CACNB1: variants seen among roughly 807,000 people sequenced by gnomAD.
CACNB1 encodes voltage-dependent L-type calcium channel subunit beta-1.
Under a neutral mutation model 71.6 loss-of-function variants are expected in CACNB1, and 29 were observed. The ratio of observed to expected loss-of-function variants is 0.40; its 90% confidence interval spans 0.30 to 0.55. CACNB1 has a LOEUF of 0.55. Among genes scored for constraint, CACNB1 ranks in the 20% least tolerant of loss-of-function variants. The probability of loss-of-function intolerance (pLI) is 0.38; values close to 1 mark genes in which losing one functional copy is unlikely to be tolerated. For missense variants in CACNB1, 623 were observed against 801.8 expected (o/e 0.78, Z 2.69); for synonymous variants, 300 against 319.6 (o/e 0.94, Z 0.65).
Position 39,194,422 on chromosome 17 carries a change from G to A in CACNB1, c.171+462C>T, listed in dbSNP as rs573665028. On this transcript the variant is annotated intron_variant, in intron 2 of 13. Transcript: ENST00000394303. This position sits in a 1 kb window ranked among gnomAD's most constrained non-coding sequence, Gnocchi z 4.6. The stretch of plus-strand genomic sequence containing the variant: ...TGTGCTTCTTAGACAGTCATGTCTC[G>A]AGGTGAGGAGCGTGTTTCCCTGGCC... 3.0e-4 allele frequency among the ~76,000 whole-genome samples: 46 copies of A among 152,064 alleles called. No individual in the cohort carries two copies. Among genetic ancestry groups the A allele is most frequent in the African/African-American group, 2.4e-4 (10 of 41,448 alleles).
chr17:39,175,637 C>T lies in CACNB1; in HGVS notation c.1353G>A (p.Gly451=). 6.4e-7 allele frequency: 1 copy of T among 1,570,308 alleles called. No homozygotes were observed. The highest frequency in any genetic ancestry group is 8.6e-7 in the Non-Finnish European group (1 of 1,156,872). ...SNLQGPYLAS[G]DQPLERATGE... is the part of the protein sequence containing the mutation. Reference sequence around the variant, plus strand: ...CGGTGGCCCGTTCCAGTGGCTGGTCCCCGGAAGCAAGGTAGGGTCCCTGGT... The same window carrying T: ...CGGTGGCCCGTTCCAGTGGCTGGTCTCCGGAAGCAAGGTAGGGTCCCTGGT... Residue 451 remains glycine (G), a synonymous_variant, in exon 14 of 14, where the codon GGG becomes GGA. Transcript: ENST00000394303. The surrounding 1 kb of genome is among the most constrained non-coding windows in gnomAD (Gnocchi z 4.7).
At chr17:39,179,926 A>G (rs1379047892) in intron 11 of CACNB1, among the ~76,000 whole-genome samples, 1 of 151,670 alleles carries the variant, frequency 6.6e-6, no homozygotes, top group Non-Finnish European at 1.5e-5. Flanking sequence ...ACAGGCAACA[A>G]GTGATCCTGG....
intron 4 of CACNB1, chr17:39,187,234 TCCCTGGCACACCGCCATGC>T (rs745629850): frequency 1.1e-4 from 66 of 605,840 alleles, no homozygotes; most frequent in Non-Finnish European, 1.5e-4. Context: ...TACCTACATG[TCCCTGGCACACCGCCATGC>T]CAGTTCAGGC....
intron 12 of CACNB1, 27 bp from the exon 13 acceptor site, chr17:39,177,562 G>A: frequency 6.4e-7 from 1 of 1,557,154 alleles, no homozygotes; most frequent in Non-Finnish European, 8.7e-7. Context: ...AGGGGGCAGG[G>A]CTGGGATGAG....
At chr17:39,184,271 T>G in intron 9 of CACNB1, 54 bp downstream of exon 9, 1 of 1,337,430 alleles carries the variant, frequency 7.5e-7, no homozygotes, top group Admixed American at 2.0e-5. Context: ...ATCCTGCCCA[T>G]CCCCAGCAGC....
At chr17:39,195,262 G>A in intron 1 of CACNB1, 1 of 318,222 alleles carries the variant, frequency 3.1e-6, no homozygotes, top group Middle Eastern at 9.0e-4. Flanking sequence ...GGGAGGCGCG[G>A]AGAAGCTGGA....
chr17:39,193,498 G>C (rs1164802299), intron 2 of CACNB1: 2 of 451,846 alleles, frequency 4.4e-6, no homozygotes, highest in South Asian at 3.1e-5. Context: ...CTCAGTGCCT[G>C]GCCCTGCTGG....
chr17:39,186,891 C>T lies in CACNB1; in HGVS notation c.453G>A (p.Lys151=). The change falls in exon 5 of 14, where the codon AAG becomes AAA. Residue 151 remains lysine (K), a synonymous_variant. Transcript: ENST00000394303. The surrounding 1 kb of genome is among the most constrained non-coding windows in gnomAD (Gnocchi z 4.1). ...GAATGAAGCCAACCTCACAGCCCTC[C>T]TTCACCAGCCGCCCGATCCACCAGT... is the stretch of plus-strand genomic sequence containing the variant. The part of the protein sequence containing the change: ...NNDWWIGRLV[K]EGCEVGFIPS... The T allele has an allele frequency of 6.2e-7, 1 of 1,614,170 alleles. No homozygotes were observed. Among genetic ancestry groups the T allele is most frequent in the Non-Finnish European group, 8.5e-7 (1 of 1,179,996 alleles).
Position 39,197,538 on chromosome 17 carries a change from G to T in CACNB1, c.-43C>A. 1 of 1,430,140 alleles carries T rather than the reference G, an allele frequency of 7.0e-7. No homozygotes were observed. The highest frequency in any genetic ancestry group is 9.3e-7 in the Non-Finnish European group (1 of 1,071,416). The allele number at this position is 1,430,140 out of a possible 1,614,324, so 88.6% of individuals were successfully genotyped here. On this transcript the variant is annotated 5_prime_UTR_variant, in exon 1 of 14. Coordinates refer to ENST00000394303, the MANE Select transcript of CACNB1 (RefSeq NM_000723.5). Reference sequence around the variant, plus strand: ...CCCGCCGCCGGCCCGGCCCAGCCGGGCTCCCTCAGCGCATGGGAGAGGCCG... The same window carrying T: ...CCCGCCGCCGGCCCGGCCCAGCCGGTCTCCCTCAGCGCATGGGAGAGGCCG...
intron 11 of CACNB1, among the ~76,000 whole-genome samples, chr17:39,182,544 A>G (rs1429959622): frequency 6.6e-6 from 1 of 151,550 alleles, no homozygotes; most frequent in East Asian, 1.9e-4. Context: ...ACTAAAAAAT[A>G]CAAAAAATTA....
chr17:39,196,263 T>C (rs536546764), intron 1 of CACNB1, among the ~76,000 whole-genome samples: 48 of 152,028 alleles, frequency 3.2e-4, no homozygotes, highest in African/African-American at 1.2e-3. Context: ...AAACCAGACA[T>C]ATACCCCAAC....
chr17:39,186,644 C>T lies in CACNB1; in HGVS notation c.552-72G>A, dbSNP rs1168086328. On this transcript the variant is annotated intron_variant, in intron 5 of 13. Coordinates refer to ENST00000394303, the MANE Select transcript of CACNB1 (RefSeq NM_000723.5). The surrounding 1 kb of genome is among the most constrained non-coding windows in gnomAD (Gnocchi z 4.1). The stretch of plus-strand genomic sequence containing the variant: ...TGGGGGGCTCTCATCCTCTCACATG[C>T]GGCACCCCCGGAGGTGCTCCAGCCC... 25 of 1,503,298 alleles carry T rather than the reference C, an allele frequency of 1.7e-5. No homozygotes were observed. The highest frequency in any genetic ancestry group is 2.1e-5 in the Non-Finnish European group (23 of 1,088,042). 93.1% of individuals were successfully genotyped at this position (1,503,298 alleles called of 1,614,324 possible). A position where few individuals can be genotyped will look rare whatever the true frequency, so the allele number is the denominator to read the frequency against.
At chr17:39,187,203 G>A (rs2045962179) in intron 4 of CACNB1, 2 of 599,650 alleles carry the variant, frequency 3.3e-6, no homozygotes, top group Admixed American at 3.0e-5. Flanking sequence ...ACTCTACAAA[G>A]GCCGCTGGAG....
chr17:39,195,753 T>C (rs543417825), intron 1 of CACNB1, among the ~76,000 whole-genome samples: 2 of 152,248 alleles, frequency 1.3e-5, no homozygotes, highest in Admixed American at 6.5e-5. Context: ...GCTTCTACCC[T>C]GTGGCCCCCA....
intron 11 of CACNB1, among the ~76,000 whole-genome samples, chr17:39,179,620 C>T (rs568979005): frequency 5.3e-5 from 8 of 151,484 alleles, no homozygotes; most frequent in Admixed American, 2.0e-4. Context: ...AAAACTAGGC[C>T]GGGCGCAGTG....
intron 3 of CACNB1, among the ~76,000 whole-genome samples, chr17:39,190,047 C>T (rs1033399317): frequency 1.1e-4 from 16 of 151,820 alleles, no homozygotes; most frequent in African/African-American, 3.6e-4. Context: ...ACCTGGAAGG[C>T]GGAGGCTGCA....
At chr17:39,184,493 C>T (rs886069555) in intron 8 of CACNB1, 110 bp from the exon 9 acceptor site, 3 of 713,954 alleles carry the variant, frequency 4.2e-6, no homozygotes, top group Non-Finnish European at 7.6e-6. Flanking sequence ...TTCTTCTGGA[C>T]AGGCCTTTAC....
Position 39,175,128 on chromosome 17 carries a change from A to T in CACNB1, c.*65T>A. ...TGGAGGCGAATACATGTCAGGTGTGAGCCCCTCGCTCCCTCCCCTCCCCTG... is the reference window on the plus strand; with the variant it reads ...TGGAGGCGAATACATGTCAGGTGTGTGCCCCTCGCTCCCTCCCCTCCCCTG... On this transcript the variant is annotated 3_prime_UTR_variant, in exon 14 of 14. Coordinates refer to ENST00000394303, the MANE Select transcript of CACNB1 (RefSeq NM_000723.5). The surrounding 1 kb of genome is among the most constrained non-coding windows in gnomAD (Gnocchi z 4.7). 1 of 1,306,906 alleles carries T rather than the reference A, an allele frequency of 7.7e-7. No homozygotes were observed. The highest frequency in any genetic ancestry group is 1.1e-6 in the Non-Finnish European group (1 of 933,850). The allele number at this position is 1,306,906 out of a possible 1,614,324, so 81.0% of individuals were successfully genotyped here.
Position 39,184,391 on chromosome 17 carries a change from T to A in CACNB1, c.730-8A>T. 1 of 506,590 alleles carries A rather than the reference T, an allele frequency of 2.0e-6. No individual in the cohort carries two copies. Among genetic ancestry groups the A allele is most frequent in the Non-Finnish European group, 3.6e-6 (1 of 276,168 alleles). The allele number at this position is 506,590 out of a possible 1,614,324, so 31.4% of individuals were successfully genotyped here. ...CTGCATCATGTCTGTAACCTGGGGG[T>A]GGGGGTTTGTGGGGAGGGAGGGAGG... On this transcript the variant is annotated splice_polypyrimidine_tract_variant and splice_region_variant and intron_variant, in intron 8 of 13. Transcript: ENST00000394303.
Sources: gnomAD v4.1 joint callset for allele counts (sites outside exome capture counted in the v4.1 genomes callset) on GRCh38, gnomAD v4.1.1 for gene constraint, Gnocchi (gnomAD v3.1) non-coding constraint, MANE v1.5 for transcripts, NCBI Gene and HGNC (gene_info 2026-07-23, HGNC 2026-07-21) for gene names.